GCNT1: variants seen among roughly 807,000 people sequenced by gnomAD.
The protein encoded by GCNT1 is beta-1,3-galactosyl-O-glycosyl-glycoprotein beta-1,6-N-acetylglucosaminyltransferase.
GCNT1 carries 16 observed loss-of-function variants against 26.2 expected under a neutral mutation model. The observed-to-expected ratio is 0.61, with a 90% CI of 0.41 to 0.93. The LOEUF (loss-of-function observed/expected upper bound fraction) is 0.93, where lower values mean the gene tolerates loss of function less well. Ranked by LOEUF, GCNT1 falls within the 40% of genes least tolerant of loss-of-function variation. The pLI is 0.00. For missense variants in GCNT1, 477 were observed against 526.7 expected (o/e 0.91, Z 0.92); for synonymous variants, 183 against 190.8 (o/e 0.96, Z 0.34).
At chr9:76,485,112 G>A (rs972941753) in intron 2 of GCNT1, among the ~76,000 whole-genome samples, 2 of 151,806 alleles carry the variant, frequency 1.3e-5, no homozygotes, top group Non-Finnish European at 2.9e-5. Context: ...GTACATACTT[G>A]TTGGCATATT....
intron 2 of GCNT1, among the ~76,000 whole-genome samples, chr9:76,465,017 G>A (rs549614275): frequency 2.7e-5 from 4 of 149,022 alleles, no homozygotes; most frequent in South Asian, 2.2e-4. Flanking sequence ...TATGTTGCTC[G>A]GGCTGGAGTG....
the GCNT1 span, among the ~76,000 whole-genome samples, chr9:76,395,900 C>T: frequency 6.6e-6 from 1 of 152,166 alleles, no homozygotes; most frequent in African/African-American, 2.4e-5. Context: ...TGCTGCATTC[C>T]TTCTAATATA....
At chr9:76,485,921 T>G (rs1190170159) in intron 2 of GCNT1, among the ~76,000 whole-genome samples, 1 of 152,122 alleles carries the variant, frequency 6.6e-6, no homozygotes, top group Non-Finnish European at 1.5e-5. Flanking sequence ...TCAGTAGAGA[T>G]GAGGTTTCGC....
At chr9:76,435,529 C>T (rs1823396381) in intron 1 of GCNT1, among the ~76,000 whole-genome samples, 2 of 152,130 alleles carry the variant, frequency 1.3e-5, no homozygotes, top group South Asian at 4.1e-4. Context: ...GAATAAGGTG[C>T]CAGCAAGTTT....
At position 76,502,710 on chromosome 9, in the gene GCNT1, T is replaced by G; in HGVS notation, c.329T>G (p.Ile110Ser). ...CSSFIKRRKY[I>S]VEPLSKEEAE... ...TCTTTCATCAAGAGACGCAAATATA[T>G]TGTAGAACCCCTTAGTAAAGAAGAG... Residue 110 changes from isoleucine to serine, a missense_variant, in exon 4 of 4, where the codon ATT (isoleucine) becomes AGT (serine). Transcript: ENST00000376730. 1 of 1,614,108 alleles carries G rather than the reference T, an allele frequency of 6.2e-7. No homozygotes were observed. The highest frequency in any genetic ancestry group is 8.5e-7 in the Non-Finnish European group (1 of 1,179,950).
the GCNT1 span, among the ~76,000 whole-genome samples, chr9:76,408,028 G>A: frequency 6.6e-6 from 1 of 152,212 alleles, no homozygotes; most frequent in South Asian, 2.1e-4. Context: ...TTGTTGTGGT[G>A]GTTTATTCTT....
intron 1 of GCNT1, among the ~76,000 whole-genome samples, chr9:76,442,654 C>G (rs1223502951): frequency 1.3e-5 from 2 of 152,092 alleles, no homozygotes; most frequent in African/African-American, 4.8e-5. Flanking sequence ...GCACTCCAGC[C>G]TGGGCGACAG....
At chr9:76,440,289 T>G (rs1823467493), upstream of GCNT1, among the ~76,000 whole-genome samples, 1 of 152,148 alleles carries the variant, frequency 6.6e-6, no homozygotes, top group Admixed American at 6.5e-5. Flanking sequence ...TAACCTCACC[T>G]ACTAGTTAAT....
intron 1 of GCNT1, among the ~76,000 whole-genome samples, chr9:76,435,795 C>T (rs1335960500): frequency 6.6e-6 from 1 of 152,032 alleles, no homozygotes; most frequent in Non-Finnish European, 1.5e-5. Context: ...GGGAGGGACA[C>T]AATTAGGTCC....
At chr9:76,405,616 C>T in the GCNT1 span, among the ~76,000 whole-genome samples, 1 of 152,302 alleles carries the variant, frequency 6.6e-6, no homozygotes, top group South Asian at 2.1e-4. Context: ...GCCTTTTCCA[C>T]AGTGACACAT....
chr9:76,452,935 T>G (rs1823696313), intron 1 of GCNT1, among the ~76,000 whole-genome samples: 1 of 152,132 alleles, frequency 6.6e-6, no homozygotes, highest in Non-Finnish European at 1.5e-5. Flanking sequence ...AACAAGCCAA[T>G]TACATCCTCC....
At chr9:76,473,390 GTATTTGT>G (rs753620888) in intron 2 of GCNT1, among the ~76,000 whole-genome samples, 5 of 152,050 alleles carry the variant, frequency 3.3e-5, no homozygotes, top group Non-Finnish European at 7.4e-5. Flanking sequence ...GTATATTGAA[GTATTTGT>G]TAGTAAACTG....
chr9:76,402,774 G>A, the GCNT1 span, among the ~76,000 whole-genome samples: 1 of 151,694 alleles, frequency 6.6e-6, no homozygotes, highest in Non-Finnish European at 1.5e-5. Context: ...CCACCTCCTG[G>A]GTTCAAGTGA....
chr9:76,461,756 G>A (rs1293530990), intron 2 of GCNT1, among the ~76,000 whole-genome samples: 2 of 151,140 alleles, frequency 1.3e-5, no homozygotes, highest in Non-Finnish European at 2.9e-5. Flanking sequence ...AGGTGTGGTG[G>A]TGGGCACCTG....
chr9:76,439,405 AG>A (rs1823452127), upstream of GCNT1, among the ~76,000 whole-genome samples: 1 of 151,728 alleles, frequency 6.6e-6, no homozygotes, highest in Admixed American at 6.6e-5. Flanking sequence ...TGGTATTTCT[AG>A]TAGAGATGGG....
chr9:76,478,385 G>A (rs113844131), intron 2 of GCNT1, among the ~76,000 whole-genome samples: 4,299 of 152,158 alleles, frequency 0.028, 203 homozygotes, highest in African/African-American at 0.098. Context: ...GAAGGTCTGC[G>A]GCTTCATTCC....
chr9:76,450,729 G>A (rs1376096260), intron 1 of GCNT1, among the ~76,000 whole-genome samples: 1 of 151,908 alleles, frequency 6.6e-6, no homozygotes. Context: ...TTTTTCACCT[G>A]GTGCATATTT....
chr9:76,400,033 GACAGTAA>G, the GCNT1 span, among the ~76,000 whole-genome samples: 1 of 152,184 alleles, frequency 6.6e-6, no homozygotes, highest in African/African-American at 2.4e-5. Flanking sequence ...AAACTATGGA[GACAGTAA>G]ACAGATCAGT....
At chr9:76,486,226 C>T (rs941999282) in intron 2 of GCNT1, among the ~76,000 whole-genome samples, 9 of 152,166 alleles carry the variant, frequency 5.9e-5, no homozygotes, top group African/African-American at 1.7e-4. Context: ...TGTGTTAATA[C>T]GGGTAAGCCA....
Sources: allele counts gnomAD v4.1 joint callset (sites outside exome capture counted in the v4.1 genomes callset), GRCh38; gene constraint gnomAD v4.1.1; transcripts MANE v1.5; gene names NCBI Gene and HGNC (gene_info 2026-07-23, HGNC 2026-07-21).